Variants in PLPP2 observed in about 807,000 individuals in gnomAD.
PLPP2 encodes PAP2-gamma.
PLPP2 carries 29 observed loss-of-function variants against 35.2 expected under a neutral mutation model. The observed-to-expected ratio is 0.82, with a 90% CI of 0.61 to 1.12. PLPP2 has a LOEUF of 1.12. Among genes scored for constraint, PLPP2 ranks in the 50% most tolerant of loss-of-function variants. The pLI is 0.00. For synonymous variants in PLPP2, 162 were observed against 167.0 expected (o/e 0.97, Z 0.23); for missense variants, 353 against 375.2 (o/e 0.94, Z 0.49).
rs761546784 is a variant in PLPP2, at chr19:291,350, C to A, written c.-14G>T. ...CCTCCGCTGCATGGTCCCCGCGACC[C>A]CCGACGCCGGTCCCAGCGCGTCCCG... On this transcript the variant is annotated 5_prime_UTR_variant, in exon 1 of 6. Transcript: ENST00000434325. The A allele has an allele frequency of 6.3e-7, 1 of 1,587,740 alleles. No individual in the cohort carries two copies. Among genetic ancestry groups the A allele is most frequent in the Non-Finnish European group, 8.5e-7 (1 of 1,169,612 alleles).
chr19:290,807 C>G (rs1030575276), intron 1 of PLPP2: 26 of 695,410 alleles, frequency 3.7e-5, no homozygotes, highest in Admixed American at 3.1e-4. Flanking sequence ...TGCACGGGTT[C>G]GAATCCCGCC....
intron 3 of PLPP2, chr19:284,548 A>T (rs1165780385): frequency 6.6e-6 from 1 of 152,198 alleles, no homozygotes; most frequent in Non-Finnish European, 1.5e-5. Context: ...AGCTGTGACA[A>T]CAGTTGTGTG....
intron 5 of PLPP2, 88 bp downstream of exon 5, chr19:282,045 TG>T: frequency 2.7e-6 from 4 of 1,462,184 alleles, no homozygotes; most frequent in Middle Eastern, 2.3e-4. Context: ...AAGGACTCAG[TG>T]GGGCAAGGGT....
Position 282,277 on chromosome 19 carries a change from C to T in PLPP2, c.574G>A (p.Ala192Thr). The part of the protein sequence containing the change: ...YVQARLCWKW[A>T]RLLRPTVQFF... ...TGGACTGTGGGTCGCAGCAGCCGTG[C>T]CCACTTCCAACAGAGTCGTGCCTGC... is the stretch of plus-strand genomic sequence containing the variant. Residue 192 changes from alanine to threonine, a missense_variant, in exon 5 of 6, where the codon GCA becomes ACA. Ala to Thr is a moderately conservative substitution (Grantham distance 58, BLOSUM62 0). Transcript: ENST00000434325. The T allele has an allele frequency of 6.2e-7, 1 of 1,613,782 alleles. No individual in the cohort carries two copies.
chr19:290,990 G>C lies in PLPP2; in HGVS notation c.52+295C>G, dbSNP rs183614327. 5,831 of 1,250,388 alleles carry C rather than the reference G, an allele frequency of 4.7e-3. 202 individuals are homozygous for C. The African/African-American group carries it at 0.077, about 16-fold the overall frequency. 77.5% of individuals were successfully genotyped at this position (1,250,388 alleles called of 1,614,324 possible). On this transcript the variant is annotated intron_variant, in intron 1 of 5. Coordinates refer to ENST00000434325, the MANE Select transcript of PLPP2 (RefSeq NM_003712.4). ...CGGGGCGGGATGGAGGCGCGCGCGC[G>C]GCCCCTCCGCACAGACTTCCTGCTG...
chr19:281,998 G>A, intron 5 of PLPP2, 136 bp downstream of exon 5: 1 of 973,384 alleles, frequency 1.0e-6, no homozygotes, highest in East Asian at 2.6e-5. Flanking sequence ...TTGGGGGAAG[G>A]GGTCCCAGGG....
intron 3 of PLPP2, chr19:285,692 G>A (rs1970261872): frequency 6.6e-6 from 1 of 151,852 alleles, no homozygotes; most frequent in African/African-American, 2.4e-5. Context: ...GCCAGGCATG[G>A]TGGCTCACGC....
Position 281,328 on chromosome 19 carries a change from A to T in PLPP2, c.*60T>A, listed in dbSNP as rs1600074552. ...TCAGTGCCTAACCAGGGCTGGAGGG[A>T]CCACCTGGGTGGGCCTCAGCTGGAC... is the stretch of plus-strand genomic sequence containing the variant. On this transcript the variant is annotated 3_prime_UTR_variant, in exon 6 of 6. Transcript: ENST00000434325. 3 of 1,331,300 alleles carry T rather than the reference A, an allele frequency of 2.3e-6. No individual in the cohort carries two copies. The East Asian group carries it at 8.4e-5, about 37-fold the overall frequency. The allele number at this position is 1,331,300 out of a possible 1,614,324, so 82.5% of individuals were successfully genotyped here.
At position 287,908 on chromosome 19, in the gene PLPP2, C is replaced by G; in HGVS notation, c.204+112G>C. ...CTCAGGGCAAGGCTGTGTCCCCCGG[C>G]CCCACACAGACCTCCAGGGCAGGGC... On this transcript the variant is annotated intron_variant, in intron 2 of 5. Coordinates refer to ENST00000434325, the MANE Select transcript of PLPP2 (RefSeq NM_003712.4). This position sits in a 1 kb window ranked among gnomAD's most constrained non-coding sequence, Gnocchi z 4.3. The G allele has an allele frequency of 6.6e-7, 1 of 1,517,390 alleles. No individual in the cohort carries two copies. The highest frequency in any genetic ancestry group is 8.9e-7 in the Non-Finnish European group (1 of 1,121,802). The allele number at this position is 1,517,390 out of a possible 1,614,324, so 94.0% of individuals were successfully genotyped here.
intron 3 of PLPP2, chr19:283,182 T>A: frequency 5.3e-6 from 1 of 187,042 alleles, no homozygotes; most frequent in Non-Finnish European, 1.1e-5. Flanking sequence ...CAAGATTCGG[T>A]GAAGGACATC....
chr19:288,242 GC>G, intron 1 of PLPP2, 71 bp from the exon 2 acceptor site: 1 of 1,495,388 alleles, frequency 6.7e-7, no homozygotes. Flanking sequence ...CCACACACCT[GC>G]CTTGGCCTGG....
chr19:288,211 C>T, intron 1 of PLPP2, 40 bp from the exon 2 acceptor site: 1 of 1,539,472 alleles, frequency 6.5e-7, no homozygotes, highest in South Asian at 1.3e-5. Context: ...GAGGTTCTCT[C>T]ACCAGCTGGG....
intron 1 of PLPP2, among the ~76,000 whole-genome samples, chr19:289,856 C>T (rs867567712): frequency 6.6e-6 from 1 of 152,048 alleles, no homozygotes; most frequent in Non-Finnish European, 1.5e-5. Flanking sequence ...AGTTGCCGGC[C>T]GGGTGGAAAG....
At chr19:283,462 C>T (rs1441888584) in intron 3 of PLPP2, 6 of 152,390 alleles carry the variant, frequency 3.9e-5, no homozygotes, top group African/African-American at 4.8e-5. Context: ...TGGCCTTGAT[C>T]TCACCTGACT....
In PLPP2 at chr19:287,096, C is replaced by A; in HGVS notation, c.482+378G>T. 1 of 184,274 alleles carries A rather than the reference C, an allele frequency of 5.4e-6. No homozygotes were observed. The allele number at this position is 184,274 out of a possible 1,614,324, so 11.4% of individuals were successfully genotyped here. Reference sequence around the variant, plus strand: ...GGAAAAAAAAAATATTCCATGCAAACAATAACAAAAAGAGAACCAGAATAG... The same window carrying A: ...GGAAAAAAAAAATATTCCATGCAAAAAATAACAAAAAGAGAACCAGAATAG... On this transcript the variant is annotated intron_variant, in intron 3 of 5. Coordinates refer to ENST00000434325, the MANE Select transcript of PLPP2 (RefSeq NM_003712.4). The surrounding 1 kb of genome is among the most constrained non-coding windows in gnomAD (Gnocchi z 4.3).
At position 288,177 on chromosome 19, in the gene PLPP2, G is replaced by A; in HGVS notation, c.53-6C>T. 6.4e-7 allele frequency: 1 copy of A among 1,567,748 alleles called. No individual in the cohort carries two copies. The highest frequency in any genetic ancestry group is 8.7e-7 in the Non-Finnish European group (1 of 1,152,428). On this transcript the variant is annotated splice_region_variant and splice_polypyrimidine_tract_variant and intron_variant, in intron 1 of 5. Transcript: ENST00000434325. ...GATAGCGAAGGGCAGGGAGGCTGGT[G>A]GGGAAGAAAAGCCTGGGAGCTGTGA...
chr19:290,982 GC>G, intron 1 of PLPP2: 1 of 1,249,374 alleles, frequency 8.0e-7, no homozygotes, highest in African/African-American at 1.6e-5. Context: ...GGATGGAGGC[GC>G]GCGCGCGGCC....
chr19:285,229 T>TC (rs1970251533), intron 3 of PLPP2: 2 of 151,806 alleles, frequency 1.3e-5, no homozygotes, highest in Non-Finnish European at 2.9e-5. Context: ...GGTCAGGAGT[T>TC]CGAGACCAGC....
At chr19:281,637 C>T (rs979996339) in intron 5 of PLPP2, 100 bp from the exon 6 acceptor site, 29 of 1,153,542 alleles carry the variant, frequency 2.5e-5, no homozygotes, top group Non-Finnish European at 3.4e-5. Context: ...CAGGTGGGAG[C>T]GAGGGGCCTA....
Sources: gnomAD v4.1 joint callset for allele counts (sites outside exome capture counted in the v4.1 genomes callset) on GRCh38, gnomAD v4.1.1 for gene constraint, Gnocchi (gnomAD v3.1) non-coding constraint, MANE v1.5 for transcripts, NCBI Gene and HGNC (gene_info 2026-07-23, HGNC 2026-07-21) for gene names.